Variants in GPR39 observed in about 807,000 individuals in gnomAD.
The protein encoded by GPR39 is zinc sensing receptor.
A neutral mutation model predicts 18.4 loss-of-function variants in GPR39; 23 were observed. The observed-to-expected ratio is 1.25, with a 90% CI of 0.90 to 1.77. The LOEUF is 1.77. GPR39 is among the 40% of genes most tolerant of loss of function. GPR39 has a pLI of 0.00. For synonymous variants in GPR39, 280 were observed against 257.9 expected (o/e 1.09, Z -0.82); for missense variants, 647 against 602.4 (o/e 1.07, Z -0.78).
At chr2:132,567,662 C>T (rs965600135) in intron 1 of GPR39, among the ~76,000 whole-genome samples, 2 of 152,182 alleles carry the variant, frequency 1.3e-5, no homozygotes, top group Admixed American at 1.3e-4. Flanking sequence ...AAGATACCAG[C>T]AGAACCTGGA....
intron 1 of GPR39, among the ~76,000 whole-genome samples, chr2:132,434,150 GA>G (rs199663619): frequency 1.6e-4 from 25 of 151,702 alleles, no homozygotes; most frequent in Middle Eastern, 3.2e-3. Context: ...GCTCTATTCT[GA>G]AAAAAAATGC....
chr2:132,563,911 A>G (rs948241829), intron 1 of GPR39, among the ~76,000 whole-genome samples: 4 of 152,322 alleles, frequency 2.6e-5, no homozygotes, highest in African/African-American at 9.6e-5. Context: ...CACCCCAACC[A>G]TGGACATGGT....
In GPR39 at chr2:132,417,488, C is replaced by G; in HGVS notation, c.446C>G (p.Pro149Arg). The G allele has an allele frequency of 6.2e-7, 1 of 1,614,192 alleles. No individual in the cohort carries two copies. Among genetic ancestry groups the G allele is most frequent in the South Asian group, 1.1e-5 (1 of 91,084 alleles). Residue 149 changes from proline (P) to arginine (R), a missense_variant, in exon 1 of 2, where the codon CCT (proline) becomes CGT (arginine). Physicochemically the swap from Pro to Arg is moderately radical, Grantham distance 103. This residue lies in a region of GPR39 where 581 missense variants were observed against 506.8 expected (regional missense o/e 1.15). Transcript: ENST00000329321. The stretch of plus-strand genomic sequence containing the variant: ...TTCAGGTACAAGGCTGTGTCGGGAC[C>G]TTGCCAGGTGAAGCTGCTGATTGGC... ...HPFRYKAVSGPCQVKLLIGFV... is the reference protein window; with the variant it reads ...HPFRYKAVSGRCQVKLLIGFV...
intron 1 of GPR39, among the ~76,000 whole-genome samples, chr2:132,478,707 AG>A (rs1174738521): frequency 2.0e-5 from 3 of 152,244 alleles, no homozygotes; most frequent in African/African-American, 7.2e-5. Context: ...TTGGGAGGGA[AG>A]CTACCACTTA....
chr2:132,519,578 A>G (rs1459446997), intron 1 of GPR39, among the ~76,000 whole-genome samples: 1 of 152,196 alleles, frequency 6.6e-6, no homozygotes, highest in Non-Finnish European at 1.5e-5. Flanking sequence ...GAGATGTGTA[A>G]TGAGAGTCTG....
At chr2:132,452,506 C>T (rs1447704260) in intron 1 of GPR39, among the ~76,000 whole-genome samples, 3 of 151,702 alleles carry the variant, frequency 2.0e-5, no homozygotes, top group Non-Finnish European at 2.9e-5. Context: ...ACTTTAAGTT[C>T]TAGGGTACAT....
At chr2:132,634,455 T>C (rs1305307071) in intron 1 of GPR39, among the ~76,000 whole-genome samples, 1 of 152,130 alleles carries the variant, frequency 6.6e-6, no homozygotes, top group East Asian at 1.9e-4. Context: ...AAATCTGTGA[T>C]AGGCATAAGG....
Position 132,491,067 on chromosome 2 carries a change from C to T in GPR39, c.856+73169C>T, listed in dbSNP as rs114953144. ...ACCAAGCTGAGCCCTAAATTAATCT[C>T]TTTTTTTTCTCACTGAACTGAGCAC... On this transcript the variant is annotated intron_variant, in intron 1 of 1. Coordinates refer to ENST00000329321, the MANE Select transcript of GPR39 (RefSeq NM_001508.3). 1.9e-3 allele frequency among the ~76,000 whole-genome samples: 292 copies of T among 152,182 alleles called. 1 individual carries two copies. Among genetic ancestry groups the T allele is most frequent in the African/African-American group, 6.7e-3 (277 of 41,512 alleles).
chr2:132,490,489 C>A (rs1011115733), intron 1 of GPR39, among the ~76,000 whole-genome samples: 1 of 151,816 alleles, frequency 6.6e-6, no homozygotes, highest in South Asian at 2.1e-4. Flanking sequence ...TTCTACACAA[C>A]GGAGGGTTTG....
At chr2:132,437,275 A>G (rs1039420728) in intron 1 of GPR39, among the ~76,000 whole-genome samples, 12 of 152,212 alleles carry the variant, frequency 7.9e-5, no homozygotes, top group African/African-American at 2.4e-4. Context: ...TTTCTCTTCT[A>G]TTCATTTCAT....
intron 1 of GPR39, among the ~76,000 whole-genome samples, chr2:132,541,970 C>G (rs896159776): frequency 4.6e-5 from 7 of 152,284 alleles, no homozygotes; most frequent in African/African-American, 1.7e-4. Flanking sequence ...TGGCATCTTG[C>G]TATGTCCTCA....
intron 1 of GPR39, among the ~76,000 whole-genome samples, chr2:132,498,709 CT>C: frequency 6.6e-6 from 1 of 152,118 alleles, no homozygotes; most frequent in East Asian, 1.9e-4. Context: ...AAAGTATTCC[CT>C]TTTCACTGCA....
rs147634616 is a variant in GPR39, at chr2:132,488,128, T to C, written c.856+70230T>C. ...TAAGTAGACAAATTTGCTTACTTCT[T>C]TCTCCTGGACTTACTTTCTTTCTGA... On this transcript the variant is annotated intron_variant, in intron 1 of 1. Coordinates refer to ENST00000329321, the MANE Select transcript of GPR39 (RefSeq NM_001508.3). 5.3e-3 allele frequency among the ~76,000 whole-genome samples: 813 copies of C among 152,332 alleles called. 10 individuals are homozygous for C. The highest frequency in any genetic ancestry group is 0.019 in the African/African-American group (771 of 41,582).
chr2:132,508,810 G>C (rs1195021253), intron 1 of GPR39, among the ~76,000 whole-genome samples: 1 of 152,124 alleles, frequency 6.6e-6, no homozygotes, highest in Admixed American at 6.5e-5. Flanking sequence ...AAGGAGTATG[G>C]GTCACAGATG....
chr2:132,509,093 G>A (rs1421898651), intron 1 of GPR39, among the ~76,000 whole-genome samples: 2 of 152,198 alleles, frequency 1.3e-5, no homozygotes, highest in Non-Finnish European at 2.9e-5. Context: ...CCAGAGAAAA[G>A]TGTTTCTGGA....
intron 1 of GPR39, among the ~76,000 whole-genome samples, chr2:132,531,220 C>G (rs4552237): frequency 0.23 from 34,298 of 152,016 alleles, 4,479 homozygotes; most frequent in East Asian, 0.62. Context: ...TCAGATAAAA[C>G]AGACTTTAAA....
intron 1 of GPR39, among the ~76,000 whole-genome samples, chr2:132,452,492 T>C (rs1680647116): frequency 6.6e-6 from 1 of 152,192 alleles, no homozygotes; most frequent in South Asian, 2.1e-4. Context: ...TTTTTTTAAA[T>C]TATACTTTAA....
Position 132,539,684 on chromosome 2 carries a change from C to A in GPR39, c.857-105417C>A, listed in dbSNP as rs560195229. Among the ~76,000 whole-genome samples, 24 of 152,246 alleles carry A rather than the reference C, an allele frequency of 1.6e-4. 1 individual carries two copies. The highest frequency in any genetic ancestry group is 5.5e-4 in the African/African-American group (23 of 41,560). On this transcript the variant is annotated intron_variant, in intron 1 of 1. Coordinates refer to ENST00000329321, the MANE Select transcript of GPR39 (RefSeq NM_001508.3). ...GGGAGTGCTTGCCTGGGTGGTTCCT[C>A]TCTGATCCATGGGAACTTAGCTGGA... is the stretch of plus-strand genomic sequence containing the variant.
chr2:132,607,863 A>G (rs1681169016), intron 1 of GPR39, among the ~76,000 whole-genome samples: 1 of 152,186 alleles, frequency 6.6e-6, no homozygotes, highest in Non-Finnish European at 1.5e-5. Context: ...CTTTAATAGT[A>G]GGGAGGCCAG....
Sources: allele counts gnomAD v4.1 joint callset (sites outside exome capture counted in the v4.1 genomes callset), GRCh38; gene constraint gnomAD v4.1.1; regional missense constraint gnomAD v4.1.1; transcripts MANE v1.5; gene names NCBI Gene and HGNC (gene_info 2026-07-23, HGNC 2026-07-21).